VAPA: variants seen among roughly 807,000 people sequenced by gnomAD.
VAPA encodes vesicle-associated membrane protein-associated protein A.
In VAPA, 6 loss-of-function variants were observed where a neutral mutation model predicts 25.6. The observed-to-expected ratio is 0.23, with a 90% CI of 0.13 to 0.46. The LOEUF (loss-of-function observed/expected upper bound fraction) is 0.46, where lower values mean the gene tolerates loss of function less well. VAPA is among the 20% of genes least tolerant of loss of function. VAPA has a pLI of 0.99. For missense variants in VAPA, 244 were observed against 302.1 expected, an observed-to-expected ratio of 0.81 and a Z score of 1.43; for synonymous variants, 112 against 106.2, an observed-to-expected ratio of 1.05 and a Z score of -0.34.
intron 1 of VAPA, among the ~76,000 whole-genome samples, chr18:9,925,358 T>C (rs2069191735): frequency 6.6e-6 from 1 of 152,130 alleles, no homozygotes; most frequent in Non-Finnish European, 1.5e-5. Flanking sequence ...AATAAAATAG[T>C]GCAGTCTTGC....
intron 4 of VAPA, among the ~76,000 whole-genome samples, chr18:9,941,830 C>T (rs2069369017): frequency 6.6e-6 from 1 of 152,058 alleles, no homozygotes; most frequent in Non-Finnish European, 1.5e-5. Context: ...AATGACACTC[C>T]CTTATTCAAA....
At chr18:9,948,738 T>C (rs886484942) in intron 4 of VAPA, 1 of 152,422 alleles carries the variant, frequency 6.6e-6, no homozygotes, top group African/African-American at 2.4e-5. Flanking sequence ...TTTCTAAAAT[T>C]GTTTTTTGTA....
chr18:9,937,465 C>G (rs920875271), intron 4 of VAPA, among the ~76,000 whole-genome samples: 1 of 151,862 alleles, frequency 6.6e-6, no homozygotes, highest in Non-Finnish European at 1.5e-5. Flanking sequence ...ACAGTTTATT[C>G]CAGGTTTAGT....
At chr18:9,927,417 A>G (rs1416279386) in intron 1 of VAPA, among the ~76,000 whole-genome samples, 1 of 151,960 alleles carries the variant, frequency 6.6e-6, no homozygotes, top group Non-Finnish European at 1.5e-5. Context: ...TGTCATCAGT[A>G]GTTCACATCA....
chr18:9,943,281 G>A (rs1478283983), intron 4 of VAPA, among the ~76,000 whole-genome samples: 1 of 152,134 alleles, frequency 6.6e-6, no homozygotes, highest in Non-Finnish European at 1.5e-5. Flanking sequence ...TTGGGAAATA[G>A]CTTTCTGATT....
Position 9,945,831 on chromosome 18 carries a change from T to C in VAPA, c.418-4564T>C, listed in dbSNP as rs1256785470. ...CTAAAGAAACAGTAAATTGGCTGTT[T>C]AGAGTGGGAAAAAAAAACTTCAGGT... is the stretch of plus-strand genomic sequence containing the variant. On this transcript the variant is annotated intron_variant, in intron 4 of 5. Transcript: ENST00000400000. Among the ~76,000 whole-genome samples the C allele has an allele frequency of 2.6e-5, 4 of 152,296 alleles. No individual in the cohort carries two copies. In the South Asian group the frequency reaches 6.2e-4, roughly 24 times the overall value.
At chr18:9,943,955 G>C (rs2069394107) in intron 4 of VAPA, among the ~76,000 whole-genome samples, 1 of 139,126 alleles carries the variant, frequency 7.2e-6, no homozygotes, top group South Asian at 2.3e-4. Flanking sequence ...CCGCCTCCCG[G>C]GTTCACGCCG....
At position 9,954,788 on chromosome 18, in the gene VAPA, T is replaced by TAA. The variant is rs200438770; in HGVS notation, c.*585_*586dup. The TAA allele has an allele frequency of 6.6e-6, 1 of 151,768 alleles. No individual in the cohort carries two copies. Among genetic ancestry groups the TAA allele is most frequent in the African/African-American group, 2.4e-5 (1 of 41,202 alleles). The allele number at this position is 151,768 out of a possible 1,614,324, so 9.4% of individuals were successfully genotyped here. A position where few individuals can be genotyped will look rare whatever the true frequency, so the allele number is the denominator to read the frequency against. The stretch of plus-strand genomic sequence containing the variant: ...CAATCCTGTCCCATGGTATTTAACA[T>TAA]AAAAAAAAATAAAACTGTTAACAGA... On this transcript the variant is annotated 3_prime_UTR_variant, in exon 6 of 6. Coordinates refer to ENST00000400000, the MANE Select transcript of VAPA (RefSeq NM_194434.3).
At chr18:9,925,918 C>T (rs145242258) in intron 1 of VAPA, among the ~76,000 whole-genome samples, 45 of 152,104 alleles carry the variant, frequency 3.0e-4, no homozygotes, top group South Asian at 1.7e-3. Flanking sequence ...AAATAAATAC[C>T]GTTTGGTTAT....
intron 1 of VAPA, 104 bp downstream of exon 1, chr18:9,914,439 GC>G (rs2069092580): frequency 7.0e-6 from 7 of 1,001,512 alleles, no homozygotes; most frequent in Admixed American, 4.3e-5. Context: ...CCGAGGGAGC[GC>G]CCCCTCCCCC....
chr18:9,946,706 A>C (rs600624), intron 4 of VAPA, among the ~76,000 whole-genome samples: 54,392 of 151,720 alleles, frequency 0.36, 10,194 homozygotes, highest in African/African-American at 0.43. Context: ...TGGGTGGGTC[A>C]GTGAATGAGT....
chr18:9,914,383 C>T (rs748171680), intron 1 of VAPA, 48 bp downstream of exon 1: 8 of 1,510,456 alleles, frequency 5.3e-6, no homozygotes, highest in Non-Finnish European at 7.1e-6. Context: ...GCGCGGACCG[C>T]TGGCTGTCGG....
At chr18:9,927,433 T>G (rs2069210123) in intron 1 of VAPA, among the ~76,000 whole-genome samples, 1 of 151,998 alleles carries the variant, frequency 6.6e-6, no homozygotes, top group African/African-American at 2.4e-5. Flanking sequence ...CATCAAAATA[T>G]GGATGAATGA....
At chr18:9,939,927 TTGTC>T (rs144381755) in intron 4 of VAPA, among the ~76,000 whole-genome samples, 2 of 152,344 alleles carry the variant, frequency 1.3e-5, no homozygotes, top group East Asian at 1.9e-4. Flanking sequence ...ACATTTAAGA[TTGTC>T]TGATGGTCAT....
At chr18:9,949,883 G>A (rs1467320742) in intron 4 of VAPA, 2 of 153,872 alleles carry the variant, frequency 1.3e-5, no homozygotes, top group East Asian at 1.9e-4. Flanking sequence ...TACTAAAGAT[G>A]ACAAATTAAT....
chr18:9,931,174 C>T (rs1026371544), intron 1 of VAPA, among the ~76,000 whole-genome samples: 7 of 152,150 alleles, frequency 4.6e-5, no homozygotes, highest in African/African-American at 1.7e-4. Flanking sequence ...CTAAATTAAT[C>T]TGCATAATTT....
Position 9,934,890 on chromosome 18 carries a change from C to T in VAPA, c.233-1220C>T, listed in dbSNP as rs559342688. On this transcript the variant is annotated intron_variant, in intron 2 of 5. Transcript: ENST00000400000. ...CGGGCGGATCTTGAGGTCAGGAGAT[C>T]GAGACCATCCTGGATAACACGGTGA... is the stretch of plus-strand genomic sequence containing the variant. 6.6e-5 allele frequency among the ~76,000 whole-genome samples: 10 copies of T among 151,708 alleles called. No homozygotes were observed. In the South Asian group the frequency reaches 1.9e-3, roughly 28 times the overall value.
intron 2 of VAPA, 69 bp downstream of exon 2, chr18:9,932,031 T>A (rs1373182864): frequency 1.0e-5 from 12 of 1,196,074 alleles, no homozygotes; most frequent in Non-Finnish European, 1.4e-5. Flanking sequence ...TTTTGTTTAA[T>A]AAGGTTTCAT....
At chr18:9,926,668 C>T (rs1567893419) in intron 1 of VAPA, among the ~76,000 whole-genome samples, 4 of 152,112 alleles carry the variant, frequency 2.6e-5, no homozygotes, top group African/African-American at 9.7e-5. Flanking sequence ...ACTAGAAACC[C>T]TGAGCTTAGA....
Sources: allele counts gnomAD v4.1 joint callset (sites outside exome capture counted in the v4.1 genomes callset), GRCh38; gene constraint gnomAD v4.1.1; transcripts MANE v1.5; gene names NCBI Gene and HGNC (gene_info 2026-07-23, HGNC 2026-07-21).